Variants in WIPF3 observed in about 807,000 individuals in gnomAD.
WIPF3 encodes the protein WAS/WASL interacting protein family member 3.
WIPF3 carries 33 observed loss-of-function variants against 38.9 expected under a neutral mutation model. The observed-to-expected ratio is 0.85, with a 90% CI of 0.64 to 1.14. WIPF3 has a LOEUF of 1.14. Among genes scored for constraint, WIPF3 ranks in the 50% most tolerant of loss-of-function variants. WIPF3 has a pLI of 0.00. For synonymous variants in WIPF3, 324 were observed against 269.3 expected (o/e 1.20, Z -1.99); for missense variants, 711 against 652.5 (o/e 1.09, Z -0.98).
At position 29,844,338 on chromosome 7, in the gene WIPF3, T is replaced by C. The variant is rs2128067360; in HGVS notation, c.90+9524T>C. Reference sequence around the variant, plus strand: ...AATTATCACTTACCCATTGGCTGAGTTGGATCCTGTAACAATAATGCTTCA... The same window carrying C: ...AATTATCACTTACCCATTGGCTGAGCTGGATCCTGTAACAATAATGCTTCA... On this transcript the variant is annotated intron_variant, in intron 2 of 8. Coordinates refer to ENST00000242140, the MANE Select transcript of WIPF3 (RefSeq NM_001080529.3). This position sits in a 1 kb window ranked among gnomAD's most constrained non-coding sequence, Gnocchi z 4.8. 6.6e-6 allele frequency among the ~76,000 whole-genome samples: 1 copy of C among 152,344 alleles called. No individual in the cohort carries two copies. Among genetic ancestry groups the C allele is most frequent in the South Asian group, 2.1e-4 (1 of 4,826 alleles).
chr7:29,832,932 C>G (rs545316218), intron 1 of WIPF3, among the ~76,000 whole-genome samples: 3 of 152,212 alleles, frequency 2.0e-5, no homozygotes, highest in African/African-American at 7.2e-5. Context: ...AACCCAGGCA[C>G]TCATCAATAG....
Position 29,884,594 on chromosome 7 carries a change from G to A in WIPF3, c.1099+1G>A. 6.2e-7 allele frequency: 1 copy of A among 1,604,018 alleles called. No homozygotes were observed. ...CAGAAGAAGAGGCATGGCCGACCAG[G>A]TAAGGAGCGCTGCCTGGCCCAGTGC... is the stretch of plus-strand genomic sequence containing the variant. On this transcript the variant is annotated splice_donor_variant, in intron 5 of 8. Coordinates refer to ENST00000242140, the MANE Select transcript of WIPF3 (RefSeq NM_001080529.3). LOFTEE classifies it high-confidence loss of function.
intron 7 of WIPF3, among the ~76,000 whole-genome samples, chr7:29,899,710 A>G (rs1216900598): frequency 6.6e-6 from 1 of 152,264 alleles, no homozygotes; most frequent in Admixed American, 6.5e-5. Flanking sequence ...GGGGCTATCA[A>G]ATATTTAGTG....
intron 2 of WIPF3, among the ~76,000 whole-genome samples, chr7:29,856,487 G>A (rs193064258): frequency 2.0e-5 from 3 of 152,220 alleles, no homozygotes; most frequent in Admixed American, 2.0e-4. Flanking sequence ...AATTAGCCGA[G>A]CATGTTGGTG....
chr7:29,886,115 T>C (rs982621317), intron 5 of WIPF3, among the ~76,000 whole-genome samples: 1 of 152,138 alleles, frequency 6.6e-6, no homozygotes, highest in Non-Finnish European at 1.5e-5. Context: ...GAAATACTTT[T>C]GTAGAAATTT....
chr7:29,912,922 T>C (rs1357040079), intron 8 of WIPF3, among the ~76,000 whole-genome samples: 1 of 152,022 alleles, frequency 6.6e-6, no homozygotes, highest in Non-Finnish European at 1.5e-5. Flanking sequence ...AAAAAGAAAA[T>C]TGAGAGGTAT....
At chr7:29,866,188 A>T (rs1188297290) in intron 2 of WIPF3, among the ~76,000 whole-genome samples, 1 of 152,236 alleles carries the variant, frequency 6.6e-6, no homozygotes, top group African/African-American at 2.4e-5. Flanking sequence ...ATTCACTTAC[A>T]TTATCATGTA....
At chr7:29,836,945 C>CG (rs1784813381) in intron 2 of WIPF3, among the ~76,000 whole-genome samples, 1 of 151,830 alleles carries the variant, frequency 6.6e-6, no homozygotes, top group Admixed American at 6.6e-5. Flanking sequence ...GAGCCAACAT[C>CG]GCACCACTGC....
At chr7:29,860,411 C>T (rs1785255402) in intron 2 of WIPF3, among the ~76,000 whole-genome samples, 1 of 152,042 alleles carries the variant, frequency 6.6e-6, no homozygotes, top group Non-Finnish European at 1.5e-5. Flanking sequence ...TTAAAAAGAA[C>T]CTGGTGCCTC....
At chr7:29,872,620 C>T (rs1385898789) in intron 2 of WIPF3, among the ~76,000 whole-genome samples, 1 of 151,652 alleles carries the variant, frequency 6.6e-6, no homozygotes, top group Non-Finnish European at 1.5e-5. Context: ...CGTAAAACCC[C>T]GTCTCTACTA....
Position 29,836,091 on chromosome 7 carries a change from A to G in WIPF3, c.90+1277A>G, listed in dbSNP as rs149199555. On this transcript the variant is annotated intron_variant, in intron 2 of 8. Coordinates refer to ENST00000242140, the MANE Select transcript of WIPF3 (RefSeq NM_001080529.3). Reference sequence around the variant, plus strand: ...GCTCTTGCCCTGCAAGACAGTAGAAAGAAAGCACATAGTATAAATTACGTT... The same window carrying G: ...GCTCTTGCCCTGCAAGACAGTAGAAGGAAAGCACATAGTATAAATTACGTT... Among the ~76,000 whole-genome samples the G allele has an allele frequency of 1.0e-4, 16 of 152,392 alleles. 1 individual carries two copies. Among genetic ancestry groups the G allele is most frequent in the African/African-American group, 3.6e-4 (15 of 41,592 alleles).
At chr7:29,860,888 G>T (rs543803113) in intron 2 of WIPF3, among the ~76,000 whole-genome samples, 93 of 152,212 alleles carry the variant, frequency 6.1e-4, no homozygotes, top group East Asian at 1.2e-3. Context: ...ATCACAATAG[G>T]AGTAAGAGAT....
chr7:29,814,923 C>G (rs994704344), intron 1 of WIPF3, among the ~76,000 whole-genome samples: 5 of 152,138 alleles, frequency 3.3e-5, no homozygotes, highest in Non-Finnish European at 5.9e-5. Context: ...TAAGTTATTA[C>G]CGCCCTATTA....
At position 29,897,369 on chromosome 7, in the gene WIPF3, A is replaced by T. The variant is rs540372327; in HGVS notation, c.1352-6917A>T. Reference sequence around the variant, plus strand: ...GGATCGTATGGTAATTCCATTTTTAATTTTTTGAGGAAATGCTATACTGTT... The same window carrying T: ...GGATCGTATGGTAATTCCATTTTTATTTTTTTGAGGAAATGCTATACTGTT... On this transcript the variant is annotated intron_variant, in intron 7 of 8. Transcript: ENST00000242140. 7.4e-4 allele frequency among the ~76,000 whole-genome samples: 113 copies of T among 152,254 alleles called. No individual in the cohort carries two copies. The Middle Eastern group carries it at 0.014, about 18-fold the overall frequency.
At chr7:29,830,111 A>AAT (rs398111193) in intron 1 of WIPF3, among the ~76,000 whole-genome samples, 1 of 151,040 alleles carries the variant, frequency 6.6e-6, no homozygotes, top group African/African-American at 2.4e-5. Flanking sequence ...GAAAAAAAAA[A>AAT]GCCTTTCACA....
intron 1 of WIPF3, among the ~76,000 whole-genome samples, chr7:29,831,722 C>T (rs778547782): frequency 9.2e-5 from 14 of 152,302 alleles, no homozygotes; most frequent in Admixed American, 1.3e-4. Context: ...GGGACCCGGA[C>T]TCCTTTCATC....
At chr7:29,893,353 C>T (rs1786067153) in intron 7 of WIPF3, among the ~76,000 whole-genome samples, 1 of 151,988 alleles carries the variant, frequency 6.6e-6, no homozygotes, top group Non-Finnish European at 1.5e-5. Flanking sequence ...GTATACAGGT[C>T]TGGGGCTGAT....
At chr7:29,890,775 T>C (rs113270475) in intron 7 of WIPF3, among the ~76,000 whole-genome samples, 192 of 84,708 alleles carry the variant, frequency 2.3e-3, no homozygotes, top group Middle Eastern at 0.01. Flanking sequence ...CTGCCCTGTG[T>C]TCAGGTGGAG....
At position 29,902,270 on chromosome 7, in the gene WIPF3, TCTTC is replaced by T. The variant is rs778825281; in HGVS notation, c.1352-2015_1352-2012del. Reference sequence around the variant, plus strand: ...TATATTAGTGTTTTCTTCTTCTTCTTCTTCTTTTTTTTTTTTTTTTACTTTTTGC... The same window carrying T: ...TATATTAGTGTTTTCTTCTTCTTCTTTTTTTTTTTTTTTTTTACTTTTTGC... On this transcript the variant is annotated intron_variant, in intron 7 of 8. Coordinates refer to ENST00000242140, the MANE Select transcript of WIPF3 (RefSeq NM_001080529.3). Among the ~76,000 whole-genome samples the T allele has an allele frequency of 8.2e-3, 879 of 107,448 alleles. 21 individuals are homozygous for T. Among genetic ancestry groups the T allele is most frequent in the East Asian group, 0.078 (211 of 2,688 alleles). 70.5% of individuals were successfully genotyped at this position (107,448 alleles called of 152,430 possible). A position where few individuals can be genotyped will look rare whatever the true frequency, so the allele number is the denominator to read the frequency against.
Sources: allele counts gnomAD v4.1 joint callset (sites outside exome capture counted in the v4.1 genomes callset), GRCh38; gene constraint gnomAD v4.1.1; non-coding constraint Gnocchi (gnomAD v3.1); transcripts MANE v1.5; gene names NCBI Gene and HGNC (gene_info 2026-07-23, HGNC 2026-07-21).